SYCP2L: variants seen among roughly 807,000 people sequenced by gnomAD.
The protein encoded by SYCP2L is synaptonemal complex protein 2-like.
SYCP2L carries 98 observed loss-of-function variants against 125.8 expected under a neutral mutation model. The observed-to-expected ratio is 0.78, with a 90% CI of 0.66 to 0.92. The LOEUF is 0.92. Ranked by LOEUF, SYCP2L falls within the 40% of genes least tolerant of loss-of-function variation. The pLI is 0.00. For synonymous variants in SYCP2L, 317 were observed against 325.4 expected (o/e 0.97, Z 0.28); for missense variants, 842 against 936.4 (o/e 0.90, Z 1.32).
In SYCP2L at chr6:10,949,965, T is replaced by A. The variant is rs190937951; in HGVS notation, c.1955-5151T>A. The stretch of plus-strand genomic sequence containing the variant: ...TGCCTTCATTTAGATTTATCATTTT[T>A]AATCATTTTCCCCCTTTTCCTAGTT... On this transcript the variant is annotated intron_variant, in intron 23 of 29. Coordinates refer to ENST00000283141, the MANE Select transcript of SYCP2L (RefSeq NM_001040274.3). Among the ~76,000 whole-genome samples the A allele has an allele frequency of 2.6e-3, 391 of 152,280 alleles. 1 individual carries two copies. The highest frequency in any genetic ancestry group is 8.9e-3 in the African/African-American group (369 of 41,554).
intron 5 of SYCP2L, among the ~76,000 whole-genome samples, chr6:10,898,349 A>T (rs1030866684): frequency 2.0e-5 from 3 of 152,062 alleles, no homozygotes; most frequent in African/African-American, 7.2e-5. Flanking sequence ...ACCCATCTCT[A>T]CTAAAATACA....
At position 10,974,292 on chromosome 6, in the gene SYCP2L, T is replaced by C. The variant is rs899448917; in HGVS notation, c.*378T>C. 4 of 152,230 alleles carry C rather than the reference T, an allele frequency of 2.6e-5. No homozygotes were observed. The highest frequency in any genetic ancestry group is 9.6e-5 in the African/African-American group (4 of 41,462). 9.4% of individuals were successfully genotyped at this position (152,230 alleles called of 1,614,324 possible). Reference sequence around the variant, plus strand: ...CAAGTTTTGTGTGAATAAAACACTTTAGCAGCATCTGTATAAATACAATTG... The same window carrying C: ...CAAGTTTTGTGTGAATAAAACACTTCAGCAGCATCTGTATAAATACAATTG... On this transcript the variant is annotated 3_prime_UTR_variant, in exon 30 of 30. Transcript: ENST00000283141.
chr6:10,927,130 G>C, intron 16 of SYCP2L, 110 bp from the exon 17 acceptor site: 1 of 1,495,872 alleles, frequency 6.7e-7, no homozygotes, highest in South Asian at 1.4e-5. Context: ...TAATTACCAG[G>C]TCTTACCAAA....
At chr6:10,901,177 G>A (rs1348188461) in intron 6 of SYCP2L, among the ~76,000 whole-genome samples, 5 of 151,966 alleles carry the variant, frequency 3.3e-5, no homozygotes, top group African/African-American at 4.8e-5. Flanking sequence ...TTATTTTACC[G>A]GTAGTTACCC....
rs148861858 is a variant in SYCP2L, at chr6:10,898,152, A to G, written c.441+37A>G. 2.8e-4 allele frequency: 389 copies of G among 1,392,496 alleles called. 1 individual carries two copies. In the East Asian group the frequency reaches 8.7e-3, roughly 31 times the overall value. The allele number at this position is 1,392,496 out of a possible 1,614,324, so 86.3% of individuals were successfully genotyped here. On this transcript the variant is annotated intron_variant, in intron 5 of 29. Coordinates refer to ENST00000283141, the MANE Select transcript of SYCP2L (RefSeq NM_001040274.3). ...ATGGATGCTTCACTGAGCAGATGCCATTGGTAATTGGCAGGAATCTTCAAG... is the reference window on the plus strand; with the variant it reads ...ATGGATGCTTCACTGAGCAGATGCCGTTGGTAATTGGCAGGAATCTTCAAG...
intron 21 of SYCP2L, among the ~76,000 whole-genome samples, chr6:10,941,272 C>A (rs1482062964): frequency 6.6e-6 from 1 of 152,154 alleles, no homozygotes; most frequent in African/African-American, 2.4e-5. Context: ...ACACCAAAAG[C>A]AATGGCAACA....
chr6:10,949,092 TG>T (rs1191826523), intron 23 of SYCP2L, among the ~76,000 whole-genome samples: 5 of 152,162 alleles, frequency 3.3e-5, no homozygotes, highest in Non-Finnish European at 7.4e-5. Context: ...ATTGATATTT[TG>T]GTTTGTTACT....
At position 10,924,540 on chromosome 6, in the gene SYCP2L, A is replaced by G. The variant is rs372088135; in HGVS notation, c.1117A>G (p.Met373Val). ...KIFIIYLKKP[M>V]IISYKEVMKI... ...ATTTATCATTTACCTGAAGAAGCCCATGATTATCAGCTACAAAGAAGTCAT... is the reference window on the plus strand; with the variant it reads ...ATTTATCATTTACCTGAAGAAGCCCGTGATTATCAGCTACAAAGAAGTCAT... Residue 373 changes from methionine (M) to valine (V), a missense_variant, in exon 15 of 30, where the codon ATG becomes GTG. Transcript: ENST00000283141. The G allele has an allele frequency of 1.9e-6, 3 of 1,600,818 alleles. No homozygotes were observed. Among genetic ancestry groups the G allele is most frequent in the Non-Finnish European group, 2.5e-6 (3 of 1,176,540 alleles).
chr6:10,912,625 T>TA lies in SYCP2L; in HGVS notation c.919-47dup, dbSNP rs1561685070. ...AGGGAATAATGTTTATCTGACCCTATAGCATGATTTTTATGTGTATAAGTC... is the reference window on the plus strand; with the variant it reads ...AGGGAATAATGTTTATCTGACCCTATAAGCATGATTTTTATGTGTATAAGTC... On this transcript the variant is annotated intron_variant, in intron 12 of 29. Transcript: ENST00000283141. This position sits in a 1 kb window ranked among gnomAD's most constrained non-coding sequence, Gnocchi z 4.1. 7.5e-7 allele frequency: 1 copy of TA among 1,331,696 alleles called. No homozygotes were observed. The highest frequency in any genetic ancestry group is 1.7e-5 in the Admixed American group (1 of 57,830). 82.5% of individuals were successfully genotyped at this position (1,331,696 alleles called of 1,614,324 possible).
chr6:10,971,012 G>A (rs182985626), intron 29 of SYCP2L, among the ~76,000 whole-genome samples: 3 of 152,280 alleles, frequency 2.0e-5, no homozygotes, highest in Admixed American at 6.5e-5. Flanking sequence ...GGCGGTTACC[G>A]AGGATCAGAG....
intron 4 of SYCP2L, among the ~76,000 whole-genome samples, chr6:10,897,410 CT>C (rs5874295): frequency 0.78 from 101,757 of 129,728 alleles, 39,898 homozygotes; most frequent in East Asian, 0.96. Flanking sequence ...TCACTTATCT[CT>C]TTTTTTTTTT....
chr6:10,954,793 T>G lies in SYCP2L; in HGVS notation c.1955-323T>G, dbSNP rs1272186992. 6.6e-6 allele frequency among the ~76,000 whole-genome samples: 1 copy of G among 152,158 alleles called. No homozygotes were observed. Among genetic ancestry groups the G allele is most frequent in the African/African-American group, 2.4e-5 (1 of 41,432 alleles). On this transcript the variant is annotated intron_variant, in intron 23 of 29. Transcript: ENST00000283141. This position sits in a 1 kb window ranked among gnomAD's most constrained non-coding sequence, Gnocchi z 4.8. ...AAACCTTGCTGTCTTGCTATTTAGC[T>G]CAGAGCCCTGGAAGCGTTGCTTTTG...
chr6:10,889,709 G>A lies in SYCP2L; in HGVS notation c.10-1804G>A, dbSNP rs1311519640. Among the ~76,000 whole-genome samples, 8 of 146,116 alleles carry A rather than the reference G, an allele frequency of 5.5e-5. No homozygotes were observed. In the East Asian group the frequency reaches 1.6e-3, roughly 30 times the overall value. On this transcript the variant is annotated intron_variant, in intron 1 of 29. Transcript: ENST00000283141. ...AACCTTAGCTCATTGCAACCTCCGCGTCCCGGGTTCAAGCGATTCTCTTGC... is the reference window on the plus strand; with the variant it reads ...AACCTTAGCTCATTGCAACCTCCGCATCCCGGGTTCAAGCGATTCTCTTGC...
intron 1 of SYCP2L, 111 bp downstream of exon 1, chr6:10,887,246 C>A: frequency 6.9e-7 from 1 of 1,457,970 alleles, no homozygotes; most frequent in Non-Finnish European, 9.5e-7. Context: ...GCTCAGAGAC[C>A]GGGTGCTGGG....
At chr6:10,972,435 T>C (rs1289806907) in intron 29 of SYCP2L, among the ~76,000 whole-genome samples, 1 of 152,226 alleles carries the variant, frequency 6.6e-6, no homozygotes, top group Non-Finnish European at 1.5e-5. Context: ...CTAAACCAAA[T>C]AGGGCTTTTA....
In SYCP2L at chr6:10,896,332, A is replaced by G. The variant is rs113744280; in HGVS notation, c.337-1679A>G. On this transcript the variant is annotated intron_variant, in intron 4 of 29. Coordinates refer to ENST00000283141, the MANE Select transcript of SYCP2L (RefSeq NM_001040274.3). ...GACAATGTGTGACCAGGGCACATAA[A>G]TGGGTTCAGTGAGAACTTCCTGTTC... Among the ~76,000 whole-genome samples the G allele has an allele frequency of 1.9e-3, 283 of 152,260 alleles. 1 individual carries two copies. The highest frequency in any genetic ancestry group is 6.5e-3 in the African/African-American group (270 of 41,556).
Position 10,907,892 on chromosome 6 carries a change from G to GTTTTT in SYCP2L, c.819+222_819+226dup, listed in dbSNP as rs551103839. On this transcript the variant is annotated intron_variant, in intron 10 of 29. Transcript: ENST00000283141. Reference sequence around the variant, plus strand: ...GAGCTAGATATAGGGATACAGATAGGTTTTTTTTTTTTTTTTTTGACAGAG... The same window carrying GTTTTT: ...GAGCTAGATATAGGGATACAGATAGGTTTTTTTTTTTTTTTTTTTTTTTGACAGAG... Among the ~76,000 whole-genome samples, 304 of 91,916 alleles carry GTTTTT rather than the reference G, an allele frequency of 3.3e-3. 20 individuals carry two copies. Among genetic ancestry groups the GTTTTT allele is most frequent in the African/African-American group, 6.0e-3 (146 of 24,148 alleles). The allele number at this position is 91,916 out of a possible 152,430, so 60.3% of individuals were successfully genotyped here. A position where few individuals can be genotyped will look rare whatever the true frequency, so the allele number is the denominator to read the frequency against.
intron 26 of SYCP2L, 25 bp downstream of exon 26, chr6:10,958,900 G>A: frequency 6.2e-7 from 1 of 1,602,564 alleles, no homozygotes; most frequent in South Asian, 1.1e-5. Flanking sequence ...TCAAAACAAG[G>A]TCGTGGAAGT....
intron 29 of SYCP2L, among the ~76,000 whole-genome samples, chr6:10,970,255 C>T (rs1781748742): frequency 6.6e-6 from 1 of 152,116 alleles, no homozygotes; most frequent in Non-Finnish European, 1.5e-5. Flanking sequence ...CAGGCAGATG[C>T]TCTGAGATTA....
Sources: allele counts gnomAD v4.1 joint callset (sites outside exome capture counted in the v4.1 genomes callset), GRCh38; gene constraint gnomAD v4.1.1; non-coding constraint Gnocchi (gnomAD v3.1); transcripts MANE v1.5; gene names NCBI Gene and HGNC (gene_info 2026-07-23, HGNC 2026-07-21).